The following HHAT variants were observed in gnomAD, a reference collection of about 807,000 sequenced individuals.
HHAT encodes hedgehog acyltransferase.
A neutral mutation model predicts 70.8 loss-of-function variants in HHAT; 47 were observed. The ratio of observed to expected loss-of-function variants is 0.66; its 90% CI spans 0.53 to 0.85. The LOEUF is 0.85. Among genes scored for constraint, HHAT ranks in the 40% least tolerant of loss-of-function variants. The pLI, the probability that HHAT is intolerant of heterozygous loss-of-function variation, is 0.00. For missense variants in HHAT, 609 were observed against 604.8 expected (o/e 1.01, Z -0.07); for synonymous variants, 228 against 247.6 (o/e 0.92, Z 0.74).
intron 10 of HHAT, among the ~76,000 whole-genome samples, chr1:210,622,251 G>A (rs1668987489): frequency 6.6e-6 from 1 of 152,148 alleles, no homozygotes; most frequent in Admixed American, 6.5e-5. Context: ...CTAGAGATGT[G>A]TGGGTTTCTG....
At chr1:210,606,607 C>G (rs1025750197) in intron 10 of HHAT, among the ~76,000 whole-genome samples, 4 of 152,176 alleles carry the variant, frequency 2.6e-5, no homozygotes, top group Non-Finnish European at 5.9e-5. Flanking sequence ...CTGATGCTTC[C>G]CTTCTCCTCT....
intron 4 of HHAT, among the ~76,000 whole-genome samples, chr1:210,389,539 C>T (rs2148150877): frequency 6.6e-6 from 1 of 152,332 alleles, no homozygotes; most frequent in East Asian, 1.9e-4. Flanking sequence ...TATTGTTCTC[C>T]TGATAGAGTT....
chr1:210,559,919 C>G (rs2095606172), intron 9 of HHAT, among the ~76,000 whole-genome samples: 2 of 152,216 alleles, frequency 1.3e-5, no homozygotes, highest in Admixed American at 1.3e-4. Context: ...GGTTGAAAGC[C>G]TGCTCAGTCA....
chr1:210,628,582 C>A (rs762162275), intron 11 of HHAT, among the ~76,000 whole-genome samples: 5 of 152,176 alleles, frequency 3.3e-5, no homozygotes, highest in Non-Finnish European at 7.3e-5. Context: ...CTGGAGTGAC[C>A]CCATGCCAAG....
intron 11 of HHAT, among the ~76,000 whole-genome samples, chr1:210,627,369 T>G (rs1295226650): frequency 6.6e-6 from 1 of 152,130 alleles, no homozygotes. Context: ...CCTGGAAAAG[T>G]TGTCTTAAAA....
chr1:210,327,860 C>T (rs2084684695), upstream of HHAT, among the ~76,000 whole-genome samples: 1 of 152,140 alleles, frequency 6.6e-6, no homozygotes, highest in South Asian at 2.1e-4. Context: ...TCTGGCACTC[C>T]TATTTGGGGC....
At chr1:210,455,085 GC>G (rs2093835135) in intron 7 of HHAT, among the ~76,000 whole-genome samples, 1 of 152,182 alleles carries the variant, frequency 6.6e-6, no homozygotes, top group Non-Finnish European at 1.5e-5. Flanking sequence ...TTTTCATGCA[GC>G]TGTTGAAGCT....
intron 7 of HHAT, among the ~76,000 whole-genome samples, chr1:210,446,436 G>A (rs1204038116): frequency 6.6e-6 from 1 of 152,172 alleles, no homozygotes; most frequent in Non-Finnish European, 1.5e-5. Context: ...TTGGGATTGT[G>A]GGGTGTAAAA....
At chr1:210,376,079 G>C (rs1472097607) in intron 3 of HHAT, among the ~76,000 whole-genome samples, 1 of 142,596 alleles carries the variant, frequency 7.0e-6, no homozygotes, top group Non-Finnish European at 1.5e-5. Context: ...CGGCCAGGCT[G>C]GTCTGGAACT....
chr1:210,345,520 G>A (rs755011340), intron 1 of HHAT, among the ~76,000 whole-genome samples: 4 of 152,064 alleles, frequency 2.6e-5, no homozygotes, highest in Non-Finnish European at 5.9e-5. Context: ...ACCAAACTTG[G>A]GTAAATAATG....
chr1:210,450,831 G>A (rs145648882), intron 7 of HHAT, among the ~76,000 whole-genome samples: 25 of 152,104 alleles, frequency 1.6e-4, no homozygotes, highest in Non-Finnish European at 2.9e-4. Context: ...GGATAGGGTG[G>A]TGTTAAGTTT....
chr1:210,524,490 G>T (rs1195319664), intron 9 of HHAT, among the ~76,000 whole-genome samples: 5 of 152,260 alleles, frequency 3.3e-5, no homozygotes, highest in African/African-American at 1.2e-4. Context: ...AGTTGCAAAG[G>T]AACATGCTTG....
intron 8 of HHAT, among the ~76,000 whole-genome samples, chr1:210,491,579 G>T (rs1224540766): frequency 1.3e-5 from 2 of 152,144 alleles, no homozygotes; most frequent in Non-Finnish European, 2.9e-5. Flanking sequence ...TGACAGTGTT[G>T]TTGAGAGCAT....
At position 210,494,542 on chromosome 1, in the gene HHAT, C is replaced by CTTTTTTTTTTTTTTTTTTTTTT. The variant is rs71146226; in HGVS notation, c.1008-18605_1008-18584dup. Among the ~76,000 whole-genome samples the CTTTTTTTTTTTTTTTTTTTTTT allele has an allele frequency of 3.3e-4, 27 of 82,854 alleles. 1 individual carries two copies. The highest frequency in any genetic ancestry group is 8.4e-4 in the Admixed American group (5 of 5,980). The allele number at this position is 82,854 out of a possible 152,430, so 54.4% of individuals were successfully genotyped here. ...AGATCAGGAGTTCAGTTTGAAATAG[C>CTTTTTTTTTTTTTTTTTTTTTT]TTTTTTTTTTTTTTTTTTTTTTTTT... On this transcript the variant is annotated intron_variant, in intron 8 of 11. Coordinates refer to ENST00000261458, the MANE Select transcript of HHAT (RefSeq NM_018194.6).
intron 8 of HHAT, among the ~76,000 whole-genome samples, chr1:210,496,010 C>CAAAAAAAA (rs10639399): frequency 0.047 from 3,181 of 67,654 alleles, 215 homozygotes; most frequent in Non-Finnish European, 0.065. Flanking sequence ...AACTCTATCT[C>CAAAAAAAA]AAAAAAAAAA....
intron 9 of HHAT, among the ~76,000 whole-genome samples, chr1:210,566,624 A>C (rs948880272): frequency 6.6e-6 from 1 of 152,056 alleles, no homozygotes; most frequent in Non-Finnish European, 1.5e-5. Context: ...GGAATGTCTG[A>C]ATGCTGAGAG....
intron 7 of HHAT, among the ~76,000 whole-genome samples, chr1:210,418,768 C>A (rs971869788): frequency 6.6e-6 from 1 of 152,108 alleles, no homozygotes; most frequent in African/African-American, 2.4e-5. Context: ...TGTGGTGGCT[C>A]ATGCCTGTAA....
At chr1:210,529,346 A>G in intron 9 of HHAT, among the ~76,000 whole-genome samples, 1 of 151,892 alleles carries the variant, frequency 6.6e-6, no homozygotes, top group East Asian at 1.9e-4. Context: ...AAACGGGGAT[A>G]TTTGTTGTTA....
chr1:210,415,465 T>A (rs1443767728), intron 6 of HHAT, among the ~76,000 whole-genome samples: 1 of 152,188 alleles, frequency 6.6e-6, no homozygotes, highest in Non-Finnish European at 1.5e-5. Flanking sequence ...AATACAAGTC[T>A]GCAAATATCC....
Sources: gnomAD v4.1 joint callset for allele counts (sites outside exome capture counted in the v4.1 genomes callset) on GRCh38, gnomAD v4.1.1 for gene constraint, MANE v1.5 for transcripts, NCBI Gene and HGNC (gene_info 2026-07-23, HGNC 2026-07-21) for gene names.